The following HIPK2 variants were observed in gnomAD, a reference collection of about 807,000 sequenced individuals.
HIPK2 encodes the protein homeodomain interacting protein kinase 2, also known as homeodomain-interacting protein kinase 2.
HIPK2 carries 27 observed loss-of-function variants against 113.7 expected under a neutral mutation model. The observed-to-expected ratio is 0.24, with a 90% CI of 0.17 to 0.33. The LOEUF (loss-of-function observed/expected upper bound fraction) is 0.33, where lower values mean the gene tolerates loss of function less well. Among genes scored for constraint, HIPK2 ranks in the 10% least tolerant of loss-of-function variants. The pLI is 1.00. For missense variants in HIPK2, 1,257 were observed against 1,588.0 expected (o/e 0.79, Z 3.54); for synonymous variants, 631 against 642.2 (o/e 0.98, Z 0.26).
intron 2 of HIPK2, among the ~76,000 whole-genome samples, chr7:139,679,346 T>C (rs1204068089): frequency 6.6e-6 from 1 of 152,214 alleles, no homozygotes; most frequent in Admixed American, 6.5e-5. Flanking sequence ...TATCTTTTAA[T>C]ACTCTCACAT....
chr7:139,769,797 G>C (rs1796616762), intron 1 of HIPK2, among the ~76,000 whole-genome samples: 1 of 152,188 alleles, frequency 6.6e-6, no homozygotes. Flanking sequence ...ACAAGCAAAT[G>C]AAAGAATTTC....
Position 139,674,613 on chromosome 7 carries a change from T to A in HIPK2, c.1103+41319A>T, listed in dbSNP as rs142377785. On this transcript the variant is annotated intron_variant, in intron 2 of 14. Coordinates refer to ENST00000406875, the MANE Select transcript of HIPK2 (RefSeq NM_022740.5). ...TGGTGCTAGCCCAAAGCAGCAAACC[T>A]GGCATGGACCAAATTCTGGCTCCTT... is the stretch of plus-strand genomic sequence containing the variant. 2.9e-3 allele frequency among the ~76,000 whole-genome samples: 436 copies of A among 152,290 alleles called. 1 individual carries two copies. The highest frequency in any genetic ancestry group is 9.8e-3 in the African/African-American group (408 of 41,560).
intron 6 of HIPK2, among the ~76,000 whole-genome samples, chr7:139,621,402 T>A (rs776993770): frequency 9.9e-5 from 15 of 152,204 alleles, no homozygotes; most frequent in Non-Finnish European, 2.1e-4. Flanking sequence ...AGAAATTTTC[T>A]CCTTTTCTTC....
chr7:139,760,620 G>C (rs1239574156), intron 1 of HIPK2, among the ~76,000 whole-genome samples: 4 of 151,972 alleles, frequency 2.6e-5, no homozygotes, highest in Non-Finnish European at 5.9e-5. Flanking sequence ...ACATTTATAG[G>C]TTAAAGAAAA....
intron 2 of HIPK2, among the ~76,000 whole-genome samples, chr7:139,696,344 A>G (rs1794565975): frequency 1.3e-5 from 2 of 152,162 alleles, no homozygotes; most frequent in African/African-American, 4.8e-5. Flanking sequence ...AGGTGGAGAC[A>G]GGAGGATCAC....
chr7:139,635,744 T>A (rs1206755765), intron 2 of HIPK2, among the ~76,000 whole-genome samples: 2 of 151,944 alleles, frequency 1.3e-5, no homozygotes, highest in African/African-American at 4.8e-5. Flanking sequence ...ACAGGACAAC[T>A]CGAGTCGAAT....
intron 1 of HIPK2, among the ~76,000 whole-genome samples, chr7:139,720,511 C>T (rs1429498148): frequency 6.6e-6 from 1 of 152,200 alleles, no homozygotes; most frequent in Non-Finnish European, 1.5e-5. Flanking sequence ...CGTACTTCAC[C>T]CGTTTCTTCC....
At chr7:139,607,284 A>G (rs1317308428) in intron 9 of HIPK2, among the ~76,000 whole-genome samples, 1 of 152,102 alleles carries the variant, frequency 6.6e-6, no homozygotes, top group Non-Finnish European at 1.5e-5. Context: ...TCTGCAAAGG[A>G]GAAACAGAGA....
At chr7:139,722,512 T>C (rs1295184007) in intron 1 of HIPK2, among the ~76,000 whole-genome samples, 1 of 152,222 alleles carries the variant, frequency 6.6e-6, no homozygotes, top group African/African-American at 2.4e-5. Flanking sequence ...ATCTGCCTTC[T>C]AGCCTTAATT....
rs754430570 is a variant in HIPK2 at position 139,572,892 on chromosome 7, T to TCTCCCTCC, written c.*27_*34dup. ...CTCTCCCTCCTCCCTCGGGCCATTCTCTCCCTCCCTCCCTCCCTCCCTCCC... is the reference window on the plus strand; with the variant it reads ...CTCTCCCTCCTCCCTCGGGCCATTCTCTCCCTCCCTCCCTCCCTCCCTCCCTCCCTCCC... On this transcript the variant is annotated 3_prime_UTR_variant, in exon 15 of 15. Coordinates refer to ENST00000406875, the MANE Select transcript of HIPK2 (RefSeq NM_022740.5). 4.1e-5 allele frequency: 27 copies of TCTCCCTCC among 655,372 alleles called. No individual in the cohort carries two copies. The highest frequency in any genetic ancestry group is 3.0e-4 in the South Asian group (16 of 53,800). The allele number at this position is 655,372 out of a possible 1,614,324, so 40.6% of individuals were successfully genotyped here.
At chr7:139,664,165 A>G (rs1461089867) in intron 2 of HIPK2, among the ~76,000 whole-genome samples, 1 of 143,450 alleles carries the variant, frequency 7.0e-6, no homozygotes, top group Non-Finnish European at 1.5e-5. Context: ...AACCAACCAA[A>G]TATCTCATGT....
chr7:139,624,682 C>T (rs1800363618), intron 6 of HIPK2, among the ~76,000 whole-genome samples: 1 of 152,216 alleles, frequency 6.6e-6, no homozygotes, highest in Non-Finnish European at 1.5e-5. Flanking sequence ...ATCTTCACTT[C>T]CTTTCCCTTT....
At chr7:139,585,427 C>T (rs894074904) in intron 12 of HIPK2, among the ~76,000 whole-genome samples, 5 of 152,242 alleles carry the variant, frequency 3.3e-5, no homozygotes, top group Admixed American at 6.5e-5. Context: ...CAACGCCCAG[C>T]GCTCCTGACA....
rs1305792520 is a variant in HIPK2, at chr7:139,563,988, G to A, written c.*8939C>T. 2.0e-5 allele frequency: 8 copies of A among 398,402 alleles called. No homozygotes were observed. Among genetic ancestry groups the A allele is most frequent in the South Asian group, 1.3e-4 (1 of 7,858 alleles). 24.7% of individuals were successfully genotyped at this position (398,402 alleles called of 1,614,324 possible). A position where few individuals can be genotyped will look rare whatever the true frequency, so the allele number is the denominator to read the frequency against. ...TGACAGTGGGGCCCATTCCTGTCTC[G>A]AAGCATCTTCTTGTTCCAAATATGA... On this transcript the variant is annotated 3_prime_UTR_variant, in exon 15 of 15. Coordinates refer to ENST00000406875, the MANE Select transcript of HIPK2 (RefSeq NM_022740.5).
chr7:139,699,372 G>A (rs1178957459), intron 2 of HIPK2, among the ~76,000 whole-genome samples: 1 of 152,154 alleles, frequency 6.6e-6, no homozygotes, highest in Non-Finnish European at 1.5e-5. Flanking sequence ...AGTGTGGTGA[G>A]TCTCGCTTGC....
intron 1 of HIPK2, among the ~76,000 whole-genome samples, chr7:139,742,463 C>G (rs1210295439): frequency 2.0e-5 from 3 of 152,128 alleles, no homozygotes; most frequent in African/African-American, 7.2e-5. Flanking sequence ...GAGGGATATA[C>G]AATATGCTCT....
chr7:139,774,373 T>G (rs911214455), intron 1 of HIPK2, among the ~76,000 whole-genome samples: 1 of 152,202 alleles, frequency 6.6e-6, no homozygotes, highest in African/African-American at 2.4e-5. Context: ...TCATAGCACA[T>G]TGTCTGAAAT....
chr7:139,614,576 T>C (rs1406021131), intron 7 of HIPK2, 83 bp from the exon 8 acceptor site: 1 of 919,674 alleles, frequency 1.1e-6, no homozygotes, highest in East Asian at 3.3e-5. Context: ...CGAATCTAAA[T>C]CAAATAAATG....
intron 7 of HIPK2, among the ~76,000 whole-genome samples, chr7:139,618,635 A>G (rs765893372): frequency 6.6e-6 from 1 of 152,182 alleles, no homozygotes; most frequent in Non-Finnish European, 1.5e-5. Context: ...GCTGGCTGTC[A>G]TATCACCAGC....
Sources: allele counts gnomAD v4.1 joint callset (sites outside exome capture counted in the v4.1 genomes callset), GRCh38; gene constraint gnomAD v4.1.1; transcripts MANE v1.5; gene names NCBI Gene and HGNC (gene_info 2026-07-23, HGNC 2026-07-21).